The following NAMPT variants were observed in gnomAD, a reference collection of about 807,000 sequenced individuals.
NAMPT encodes nicotinamide phosphoribosyltransferase, also known as NAmPRTase.
In NAMPT, 7 loss-of-function variants were observed where a neutral mutation model predicts 58.7. That is an observed-to-expected ratio of 0.12 (90% confidence interval 0.07 to 0.22). The LOEUF (loss-of-function observed/expected upper bound fraction) is 0.22, where lower values mean the gene tolerates loss of function less well. NAMPT is among the 10% of genes least tolerant of loss of function. The pLI, the probability that NAMPT is intolerant of heterozygous loss-of-function variation, is 1.00. For missense variants in NAMPT, 271 were observed against 567.9 expected (o/e 0.48, Z 5.31); for synonymous variants, 145 against 198.1 (o/e 0.73, Z 2.25).
At chr7:106,277,404 A>G (rs1007125468) in intron 1 of NAMPT, among the ~76,000 whole-genome samples, 2 of 152,214 alleles carry the variant, frequency 1.3e-5, no homozygotes, top group African/African-American at 2.4e-5. Context: ...ATACAAGCAC[A>G]CTAAATCTAC....
chr7:106,272,778 G>T, intron 3 of NAMPT, 120 bp from the exon 4 acceptor site: 1 of 1,032,820 alleles, frequency 9.7e-7, no homozygotes, highest in Non-Finnish European at 1.4e-6. Flanking sequence ...AATTGCAATT[G>T]TAGATGTTAC....
intron 8 of NAMPT, among the ~76,000 whole-genome samples, chr7:106,257,001 C>A (rs1466765356): frequency 4.6e-5 from 7 of 151,980 alleles, no homozygotes; most frequent in Admixed American, 4.6e-4. Flanking sequence ...CATGGTGAAA[C>A]CCTATTTCTA....
intron 1 of NAMPT, among the ~76,000 whole-genome samples, chr7:106,279,563 T>G (rs1309973399): frequency 6.6e-6 from 1 of 152,236 alleles, no homozygotes; most frequent in African/African-American, 2.4e-5. Flanking sequence ...TCATTTTACT[T>G]TCTACTAAAC....
chr7:106,267,497 G>A (rs1792435409), intron 6 of NAMPT, among the ~76,000 whole-genome samples: 1 of 152,026 alleles, frequency 6.6e-6, no homozygotes, highest in African/African-American at 2.4e-5. Context: ...AATGATTATA[G>A]TAAATAATTT....
chr7:106,266,598 T>A (rs1303529480), intron 6 of NAMPT, among the ~76,000 whole-genome samples: 3 of 106,448 alleles, frequency 2.8e-5, no homozygotes, highest in Non-Finnish European at 6.7e-5. Flanking sequence ...CCAACTCAAA[T>A]TACCAACTTT....
chr7:106,257,683 G>C (rs538260267), intron 8 of NAMPT, among the ~76,000 whole-genome samples: 48 of 151,910 alleles, frequency 3.2e-4, no homozygotes, highest in Non-Finnish European at 6.5e-4. Context: ...GGAAAGAAAA[G>C]AAGGAAAAGA....
rs547919959 is a variant in NAMPT, at chr7:106,259,143, T to TA, written c.1089+2444dup. 6.5e-3 allele frequency among the ~76,000 whole-genome samples: 990 copies of TA among 152,366 alleles called. 6 individuals are homozygous for TA. Among genetic ancestry groups the TA allele is most frequent in the Middle Eastern group, 0.014 (4 of 294 alleles). On this transcript the variant is annotated intron_variant, in intron 8 of 10. Coordinates refer to ENST00000222553, the MANE Select transcript of NAMPT (RefSeq NM_005746.3). ...AGAAACCACTTTCTGTATCCACCCATATGAAGCAAATCCTCATCTGTTCAA... is the reference window on the plus strand; with the variant it reads ...AGAAACCACTTTCTGTATCCACCCATAATGAAGCAAATCCTCATCTGTTCAA...
chr7:106,254,569 T>G, intron 8 of NAMPT, 65 bp from the exon 9 acceptor site: 19 of 1,526,702 alleles, frequency 1.2e-5, no homozygotes, highest in Non-Finnish European at 9.0e-6. Flanking sequence ...GAGATTATTT[T>G]CAAGGGACAA....
intron 6 of NAMPT, among the ~76,000 whole-genome samples, chr7:106,267,176 G>T (rs1276798484): frequency 6.6e-6 from 1 of 152,202 alleles, no homozygotes; most frequent in Admixed American, 6.5e-5. Context: ...TCTTGATCCT[G>T]CTAGTGAAGG....
intron 1 of NAMPT, 161 bp downstream of exon 1, chr7:106,284,667 C>A: frequency 5.9e-6 from 5 of 850,204 alleles, no homozygotes; most frequent in Non-Finnish European, 6.0e-6. Flanking sequence ...TCCTCACCTG[C>A]CCCAGCCGCC....
At chr7:106,272,340 C>CTATTCTACTAGAAGAAACCTTAAAG in intron 4 of NAMPT, 190 bp downstream of exon 4, 1 of 469,736 alleles carries the variant, frequency 2.1e-6, no homozygotes, top group Non-Finnish European at 3.7e-6. Context: ...TCAGAACATT[C>CTATTCTACTAGAAGAAACCTTAAAG]TATTCTACTA....
Position 106,251,062 on chromosome 7 carries a change from A to G in NAMPT, c.*21T>C, listed in dbSNP as rs769665174. The G allele has an allele frequency of 1.4e-5, 21 of 1,456,472 alleles. 1 individual carries two copies. In the South Asian group the frequency reaches 2.2e-4, roughly 15 times the overall value. 90.2% of individuals were successfully genotyped at this position (1,456,472 alleles called of 1,614,324 possible). A position where few individuals can be genotyped will look rare whatever the true frequency, so the allele number is the denominator to read the frequency against. ...AAACATTATGTATTACATACACACA[A>G]CACACACCCAGTCATAAAGCCTAAT... On this transcript the variant is annotated 3_prime_UTR_variant, in exon 11 of 11. Transcript: ENST00000222553.
intron 6 of NAMPT, among the ~76,000 whole-genome samples, chr7:106,266,535 C>T (rs1792413830): frequency 6.6e-6 from 1 of 152,150 alleles, no homozygotes. Context: ...TTCAACAAGG[C>T]CTTACTAATA....
chr7:106,257,518 C>A (rs1320060179), intron 8 of NAMPT, among the ~76,000 whole-genome samples: 1 of 150,476 alleles, frequency 6.6e-6, no homozygotes, highest in Admixed American at 6.6e-5. Flanking sequence ...GCAGTCCCAG[C>A]TCCTCAGGAG....
chr7:106,259,029 T>C (rs1387011247), intron 8 of NAMPT, among the ~76,000 whole-genome samples: 1 of 152,272 alleles, frequency 6.6e-6, no homozygotes, highest in Non-Finnish European at 1.5e-5. Flanking sequence ...TGCTTTGGTT[T>C]TATCAACTGA....
At chr7:106,273,596 A>G (rs911534322) in intron 3 of NAMPT, among the ~76,000 whole-genome samples, 7 of 152,218 alleles carry the variant, frequency 4.6e-5, no homozygotes, top group African/African-American at 1.7e-4. Flanking sequence ...AGACCAGATT[A>G]TCTCTAGAGA....
upstream of NAMPT, chr7:106,285,526 C>G (rs1323102725): frequency 5.1e-6 from 5 of 985,942 alleles, no homozygotes; most frequent in Non-Finnish European, 6.0e-6. Context: ...CCGTCCACCA[C>G]GCGCAGTTAC....
rs147957798 is a variant in NAMPT at position 106,263,395 on chromosome 7, T to C, written c.966A>G (p.Leu322=). 1 of 1,592,970 alleles carries C rather than the reference T, an allele frequency of 6.3e-7. No individual in the cohort carries two copies. Among genetic ancestry groups the C allele is most frequent in the African/African-American group, 1.3e-5 (1 of 74,524 alleles). ...PDSGNPLDTV[L]KVLEILGKKF... is the part of the protein sequence containing the mutation. ...AAAGTTACATATGAAAATTTACCTT[T>C]AACACAGTGTCAAGAGGGTTTCCAG... Residue 322 remains leucine, a synonymous_variant, in exon 7 of 11, where the codon TTA becomes TTG. Transcript: ENST00000222553.
rs1562814565 is a variant in NAMPT, at chr7:106,263,567, A to G, written c.794T>C (p.Ile265Thr). Residue 265 changes from isoleucine (I) to threonine (T), a missense_variant, in exon 7 of 11, where the codon ATT becomes ACT. By Grantham distance (89) the Ile-to-Thr change is moderately conservative. Around this residue, in one of 4 missense-constraint regions of NAMPT, gnomAD observed 143 missense variants for 331.1 expected, o/e 0.43. Coordinates refer to ENST00000222553, the MANE Select transcript of NAMPT (RefSeq NM_005746.3). Reference protein sequence around the residue: ...KDHEKDAFEHIVTQFSSVPVS... With the variant: ...KDHEKDAFEHTVTQFSSVPVS... Reference sequence around the variant, plus strand: ...AGGCACTGATGAAAACTGTGTTACAATATGTTCAAAAGCATCTTTTTCATG... The same window carrying G: ...AGGCACTGATGAAAACTGTGTTACAGTATGTTCAAAAGCATCTTTTTCATG... The G allele has an allele frequency of 4.3e-6, 7 of 1,613,426 alleles. No homozygotes were observed. Among genetic ancestry groups the G allele is most frequent in the South Asian group, 2.2e-5 (2 of 91,076 alleles).
Sources: gnomAD v4.1 joint callset for allele counts (sites outside exome capture counted in the v4.1 genomes callset) on GRCh38, gnomAD v4.1.1 for gene constraint, gnomAD v4.1.1 regional missense constraint, MANE v1.5 for transcripts, NCBI Gene and HGNC (gene_info 2026-07-23, HGNC 2026-07-21) for gene names.